Variants in PLCB4 observed in about 807,000 individuals in gnomAD.
The protein encoded by PLCB4 is 1-phosphatidylinositol 4,5-bisphosphate phosphodiesterase beta-4.
In PLCB4, 77 loss-of-function variants were observed where a neutral mutation model predicts 178.8. The ratio of observed to expected loss-of-function variants is 0.43; its 90% CI spans 0.36 to 0.52. The LOEUF (loss-of-function observed/expected upper bound fraction) is 0.52. PLCB4 is among the 20% of genes least tolerant of loss of function. The pLI is 0.00. For synonymous variants in PLCB4, 496 were observed against 490.8 expected, an observed-to-expected ratio of 1.01 and a Z score of -0.14; for missense variants, 1,024 against 1,453.4, an observed-to-expected ratio of 0.70 and a Z score of 4.80.
chr20:9,433,933 C>T (rs1253380136), intron 28 of PLCB4, among the ~76,000 whole-genome samples: 3 of 152,150 alleles, frequency 2.0e-5, no homozygotes, highest in African/African-American at 7.2e-5. Context: ...GCAATAACTA[C>T]CATAGGACAA....
At chr20:9,069,914 A>G (rs996909418) in intron 1 of PLCB4, among the ~76,000 whole-genome samples, 3 of 152,200 alleles carry the variant, frequency 2.0e-5, no homozygotes, top group Non-Finnish European at 4.4e-5. Flanking sequence ...GATATATCTG[A>G]AAGATGACCC....
At chr20:9,101,804 A>G (rs907959444) in intron 2 of PLCB4, among the ~76,000 whole-genome samples, 15 of 151,228 alleles carry the variant, frequency 9.9e-5, no homozygotes, top group Admixed American at 2.0e-4. Flanking sequence ...AGGAAAGCTT[A>G]GTGCCTCATT....
chr20:9,299,460 A>C (rs1014103439), intron 3 of PLCB4, among the ~76,000 whole-genome samples: 43 of 152,048 alleles, frequency 2.8e-4, no homozygotes, highest in Admixed American at 2.8e-3. Context: ...AACAGTGTAC[A>C]TATGTAAGCA....
chr20:9,373,077 A>G lies in PLCB4; in HGVS notation c.717A>G (p.Val239=), dbSNP rs752041779. ...INGDKTDYLT[V]DQLVSFLNEH... is the part of the protein sequence containing the mutation. ...GAGACAAAACTGATTATTTAACGGT[A>G]GACCAATTAGTGAGCTTTCTAAATG... Residue 239 remains valine (V), a synonymous_variant, in exon 12 of 40, where the codon GTA becomes GTG. Coordinates refer to ENST00000378473, the MANE Select transcript of PLCB4 (RefSeq NM_001377142.1). 1 of 1,536,804 alleles carries G rather than the reference A, an allele frequency of 6.5e-7. No homozygotes were observed. The highest frequency in any genetic ancestry group is 9.0e-7 in the Non-Finnish European group (1 of 1,111,404).
At position 9,419,917 on chromosome 20, in the gene PLCB4, C is replaced by A. The variant is rs75492366; in HGVS notation, c.2154+8C>A. 1,132 of 1,532,522 alleles carry A rather than the reference C, an allele frequency of 7.4e-4. 9 individuals carry two copies. In the African/African-American group the frequency reaches 0.014, roughly 19 times the overall value. The allele number at this position is 1,532,522 out of a possible 1,614,324, so 94.9% of individuals were successfully genotyped here. A position where few individuals can be genotyped will look rare whatever the true frequency, so the allele number is the denominator to read the frequency against. ...GCCACTTGCTCAGTGCAGGTAAGGC[C>A]CCTGCTCATCACAAGGTAGTATAAA... On this transcript the variant is annotated splice_region_variant and intron_variant, in intron 26 of 39. Transcript: ENST00000378473.
At chr20:9,262,608 G>A (rs1183038410) in intron 3 of PLCB4, among the ~76,000 whole-genome samples, 8 of 152,140 alleles carry the variant, frequency 5.3e-5, no homozygotes, top group Admixed American at 1.3e-4. Flanking sequence ...ATGAGGAAAC[G>A]AAGACTCCTT....
rs553763756 is a variant in PLCB4, at chr20:9,316,124, C to A, written c.84+8226C>A. Among the ~76,000 whole-genome samples the A allele has an allele frequency of 4.0e-4, 61 of 152,200 alleles. No individual in the cohort carries two copies. In the East Asian group the frequency reaches 8.7e-3, roughly 22 times the overall value. On this transcript the variant is annotated intron_variant, in intron 4 of 39. Transcript: ENST00000378473. Reference sequence around the variant, plus strand: ...TAAGAGGAGAATTCTGAGAAGCAGGCAGAAGCCCCTCATGTGGAGCAGTAG... The same window carrying A: ...TAAGAGGAGAATTCTGAGAAGCAGGAAGAAGCCCCTCATGTGGAGCAGTAG...
At position 9,389,999 on chromosome 20, in the gene PLCB4, G is replaced by A. The variant is rs199613367; in HGVS notation, c.1238+41G>A. ...CTGCCACAAGTCTCTATGTGGTATT[G>A]TTTCCTAACCCCTAATGCCCACTCC... On this transcript the variant is annotated intron_variant, in intron 16 of 39. Coordinates refer to ENST00000378473, the MANE Select transcript of PLCB4 (RefSeq NM_001377142.1). 9.6e-5 allele frequency: 102 copies of A among 1,065,968 alleles called. No homozygotes were observed. The African/African-American group carries it at 1.3e-3, about 14-fold the overall frequency. 66.0% of individuals were successfully genotyped at this position (1,065,968 alleles called of 1,614,324 possible).
chr20:9,324,331 G>A (rs1053725893), intron 4 of PLCB4, among the ~76,000 whole-genome samples: 1 of 151,912 alleles, frequency 6.6e-6, no homozygotes, highest in Admixed American at 6.6e-5. Context: ...GAGGCTGAGG[G>A]AGGAGAATCG....
chr20:9,156,543 T>C (rs569872555), intron 2 of PLCB4, among the ~76,000 whole-genome samples: 54 of 152,218 alleles, frequency 3.5e-4, no homozygotes, highest in African/African-American at 1.2e-3. Context: ...GTACTGTACA[T>C]GGAAAAGTTA....
At chr20:9,190,053 C>A (rs969675112) in intron 2 of PLCB4, among the ~76,000 whole-genome samples, 2 of 152,008 alleles carry the variant, frequency 1.3e-5, no homozygotes, top group African/African-American at 4.8e-5. Context: ...TGGTTGAGAA[C>A]CACTGCTTCA....
At chr20:9,358,627 G>T (rs960425197) in intron 7 of PLCB4, among the ~76,000 whole-genome samples, 2 of 152,158 alleles carry the variant, frequency 1.3e-5, no homozygotes, top group Non-Finnish European at 2.9e-5. Context: ...GAGCACGGTG[G>T]CTCACGCCTG....
chr20:9,391,587 A>T (rs1208072828), intron 17 of PLCB4, among the ~76,000 whole-genome samples: 2 of 152,186 alleles, frequency 1.3e-5, no homozygotes, highest in African/African-American at 4.8e-5. Flanking sequence ...GGATATCTGT[A>T]TCCTTTGTCC....
At chr20:9,413,836 T>C (rs543538025) in intron 25 of PLCB4, among the ~76,000 whole-genome samples, 12 of 152,144 alleles carry the variant, frequency 7.9e-5, no homozygotes, top group Non-Finnish European at 1.5e-4. Flanking sequence ...ACGTGGCTCA[T>C]TGAGGCCTTG....
chr20:9,079,671 C>T (rs2090051709), intron 1 of PLCB4, among the ~76,000 whole-genome samples: 1 of 152,082 alleles, frequency 6.6e-6, no homozygotes, highest in Non-Finnish European at 1.5e-5. Flanking sequence ...AGTGGTCAGT[C>T]CAGGGTAGAA....
chr20:9,135,055 A>G (rs1379627384), intron 2 of PLCB4, among the ~76,000 whole-genome samples: 2 of 152,094 alleles, frequency 1.3e-5, no homozygotes, highest in Non-Finnish European at 2.9e-5. Context: ...AGAATTTTAG[A>G]TTACTATATT....
At chr20:9,393,730 A>C in intron 18 of PLCB4, 52 bp downstream of exon 18, 1 of 1,157,178 alleles carries the variant, frequency 8.6e-7, no homozygotes, top group Non-Finnish European at 1.3e-6. Flanking sequence ...ATGTGTGGAC[A>C]TTTCAGCTGT....
At chr20:9,168,734 A>G (rs1248590399) in intron 2 of PLCB4, among the ~76,000 whole-genome samples, 1 of 152,250 alleles carries the variant, frequency 6.6e-6, no homozygotes, top group Non-Finnish European at 1.5e-5. Flanking sequence ...TGCGAAGCTC[A>G]TGACTGAGAT....
At chr20:9,388,005 G>A (rs1386807001) in intron 15 of PLCB4, among the ~76,000 whole-genome samples, 6 of 152,178 alleles carry the variant, frequency 3.9e-5, no homozygotes, top group Admixed American at 3.9e-4. Flanking sequence ...TTGGGAAGCC[G>A]AGGCAGGGAG....
Sources: gnomAD v4.1 joint callset for allele counts (sites outside exome capture counted in the v4.1 genomes callset) on GRCh38, gnomAD v4.1.1 for gene constraint, MANE v1.5 for transcripts, NCBI Gene and HGNC (gene_info 2026-07-23, HGNC 2026-07-21) for gene names.